OBI1: variants seen among roughly 807,000 people sequenced by gnomAD.
OBI1 encodes ORC ubiquitin ligase 1.
In OBI1, 59 loss-of-function variants were observed where a neutral mutation model predicts 62.4. That is an observed-to-expected ratio of 0.95 (90% CI 0.77 to 1.17). The LOEUF (loss-of-function observed/expected upper bound fraction) is 1.17. OBI1 is among the 50% of genes most tolerant of loss of function. The probability of loss-of-function intolerance (pLI) is 0.00; values close to 1 mark genes in which losing one functional copy is unlikely to be tolerated. For missense variants in OBI1, 875 were observed against 830.9 expected (o/e 1.05, Z -0.65); for synonymous variants, 302 against 292.8 (o/e 1.03, Z -0.32).
intron 1 of OBI1, among the ~76,000 whole-genome samples, chr13:78,658,557 C>T (rs897327201): frequency 6.6e-6 from 1 of 152,186 alleles, no homozygotes; most frequent in African/African-American, 2.4e-5. Flanking sequence ...AGGATAAAGG[C>T]AAAAGGTCTT....
At chr13:78,645,892 T>C (rs1475717615) in intron 1 of OBI1, among the ~76,000 whole-genome samples, 1 of 152,188 alleles carries the variant, frequency 6.6e-6, no homozygotes. Flanking sequence ...TCAGGTGATC[T>C]GCCCACCTCG....
chr13:78,656,304 C>G (rs999231110), intron 1 of OBI1, among the ~76,000 whole-genome samples: 1 of 152,154 alleles, frequency 6.6e-6, no homozygotes, highest in Admixed American at 6.5e-5. Flanking sequence ...GTAACTTAAG[C>G]TGGGAGTGGT....
At chr13:78,642,234 A>G (rs759171218) in intron 2 of OBI1, 21 bp from the exon 3 acceptor site, 7 of 1,351,026 alleles carry the variant, frequency 5.2e-6, no homozygotes, top group South Asian at 1.2e-5. Flanking sequence ...AAAAAAAAAA[A>G]TCCTAATTTT....
At chr13:78,617,177 G>T in intron 5 of OBI1, 55 bp from the exon 6 acceptor site, 1 of 1,404,794 alleles carries the variant, frequency 7.1e-7, no homozygotes, top group Non-Finnish European at 9.6e-7. Flanking sequence ...TTCTTTTCAA[G>T]GTTTGAGAGT....
chr13:78,628,637 T>TA (rs1370635811), intron 5 of OBI1, among the ~76,000 whole-genome samples: 1 of 152,258 alleles, frequency 6.6e-6, no homozygotes, highest in Non-Finnish European at 1.5e-5. Context: ...GTCTGGATTT[T>TA]ATTCTAGGAA....
chr13:78,648,635 C>T (rs1366666204), intron 1 of OBI1, among the ~76,000 whole-genome samples: 1 of 152,078 alleles, frequency 6.6e-6, no homozygotes, highest in African/African-American at 2.4e-5. Context: ...ATCAGTAGGT[C>T]GGGCACGGTG....
At chr13:78,653,586 G>C (rs566173424) in intron 1 of OBI1, among the ~76,000 whole-genome samples, 1 of 152,196 alleles carries the variant, frequency 6.6e-6, no homozygotes, top group African/African-American at 2.4e-5. Context: ...CCTTGGAGCA[G>C]GGTTAGTGAA....
intron 5 of OBI1, among the ~76,000 whole-genome samples, chr13:78,628,319 T>C (rs1363227595): frequency 2.6e-5 from 4 of 152,196 alleles, no homozygotes; most frequent in Admixed American, 2.6e-4. Flanking sequence ...GCTCCAAGGT[T>C]TGTGTTCACA....
rs1875935761 is a variant in OBI1, at chr13:78,633,968, G to A, written c.638+1142C>T. The stretch of plus-strand genomic sequence containing the variant: ...TGTAGTCCCAGCTATTCGGGAGGCT[G>A]AGGCAGGAGAATGGCGTAAACCCCG... On this transcript the variant is annotated intron_variant, in intron 5 of 5. Transcript: ENST00000282003. 3.3e-5 allele frequency among the ~76,000 whole-genome samples: 5 copies of A among 151,992 alleles called. No homozygotes were observed. In the South Asian group the frequency reaches 8.3e-4, roughly 25 times the overall value.
intron 5 of OBI1, among the ~76,000 whole-genome samples, chr13:78,632,153 T>G (rs1441742840): frequency 6.6e-6 from 1 of 151,988 alleles, no homozygotes; most frequent in East Asian, 1.9e-4. Context: ...AGGAAGCAAT[T>G]AAGGCTAAAT....
chr13:78,625,255 C>T lies in OBI1; in HGVS notation c.639-8133G>A, dbSNP rs148095001. ...TCCCAAAATAAAATAACCTTAACAACAAAATCTCAATACTGTAAAAGAGTG... is the reference window on the plus strand; with the variant it reads ...TCCCAAAATAAAATAACCTTAACAATAAAATCTCAATACTGTAAAAGAGTG... On this transcript the variant is annotated intron_variant, in intron 5 of 5. Transcript: ENST00000282003. 5.4e-3 allele frequency among the ~76,000 whole-genome samples: 820 copies of T among 152,234 alleles called. 9 individuals carry two copies. The highest frequency in any genetic ancestry group is 0.019 in the African/African-American group (780 of 41,548).
chr13:78,642,704 AC>A (rs1319332546), intron 2 of OBI1, among the ~76,000 whole-genome samples: 3 of 152,156 alleles, frequency 2.0e-5, no homozygotes, highest in Non-Finnish European at 2.9e-5. Flanking sequence ...CTACAGTGAA[AC>A]CCTGTCTCTA....
chr13:78,632,863 C>T (rs1875895559), intron 5 of OBI1, among the ~76,000 whole-genome samples: 1 of 152,152 alleles, frequency 6.6e-6, no homozygotes, highest in East Asian at 1.9e-4. Context: ...AGTGAACTTC[C>T]CCTGAAGGGA....
chr13:78,637,706 C>G (rs1876071101), intron 4 of OBI1, among the ~76,000 whole-genome samples: 1 of 152,064 alleles, frequency 6.6e-6, no homozygotes. Flanking sequence ...TCATCAATAC[C>G]CAAAGAAACT....
At chr13:78,639,133 T>G in intron 3 of OBI1, 62 bp from the exon 4 acceptor site, 1 of 1,496,422 alleles carries the variant, frequency 6.7e-7, no homozygotes, top group Non-Finnish European at 9.0e-7. Flanking sequence ...ATACATATGC[T>G]AAACTGAAGC....
chr13:78,627,009 T>C (rs1049475506), intron 5 of OBI1, among the ~76,000 whole-genome samples: 4 of 152,050 alleles, frequency 2.6e-5, no homozygotes, highest in Admixed American at 2.6e-4. Flanking sequence ...GAGCTTGCAG[T>C]GAACTGAGAT....
chr13:78,654,990 C>T (rs1161963428), intron 1 of OBI1, among the ~76,000 whole-genome samples: 2 of 152,178 alleles, frequency 1.3e-5, no homozygotes, highest in Admixed American at 1.3e-4. Flanking sequence ...GGACCCAAAA[C>T]TGGACTCATA....
chr13:78,615,710 T>C lies in OBI1; in HGVS notation c.2051A>G (p.Asn684Ser), dbSNP rs1272886399. 6.2e-7 allele frequency: 1 copy of C among 1,613,996 alleles called. No homozygotes were observed. The highest frequency in any genetic ancestry group is 1.3e-5 in the African/African-American group (1 of 74,920). Residue 684 changes from asparagine to serine, a missense_variant, in exon 6 of 6, where the codon AAC (asparagine) becomes AGC (serine). Physicochemically the swap from Asn to Ser is conservative, Grantham distance 46. Transcript: ENST00000282003. ...AGTAGACCAAGGAGACTGAAGGTGG[T>C]TATGAAGACTGTGCATCTCTGAGGA... Reference protein sequence around the residue: ...KMSSEMHSLHNHLQSPWSTSF... With the variant: ...KMSSEMHSLHSHLQSPWSTSF...
intron 5 of OBI1, among the ~76,000 whole-genome samples, chr13:78,625,054 T>C (rs1875626476): frequency 6.6e-6 from 1 of 152,210 alleles, no homozygotes. Flanking sequence ...TCATTTTGAT[T>C]CCATGCAGAA....
Sources: gnomAD v4.1 joint callset for allele counts (sites outside exome capture counted in the v4.1 genomes callset) on GRCh38, gnomAD v4.1.1 for gene constraint, MANE v1.5 for transcripts, NCBI Gene and HGNC (gene_info 2026-07-23, HGNC 2026-07-21) for gene names.